Variants in TRIM71 observed in about 807,000 individuals in gnomAD.
TRIM71 encodes the protein tripartite motif containing 71.
Under a neutral mutation model 61.2 loss-of-function variants are expected in TRIM71, and 9 were observed. The observed-to-expected ratio is 0.15, with a 90% CI of 0.09 to 0.26. The LOEUF (loss-of-function observed/expected upper bound fraction) is 0.26. Ranked by LOEUF, TRIM71 falls within the 10% of genes least tolerant of loss-of-function variation. TRIM71 has a pLI of 1.00. For synonymous variants in TRIM71, 645 were observed against 553.2 expected (o/e 1.17, Z -2.33); for missense variants, 998 against 1,238.7 (o/e 0.81, Z 2.92).
At chr3:32,835,890 A>G (rs1021757039) in intron 1 of TRIM71, among the ~76,000 whole-genome samples, 1 of 152,210 alleles carries the variant, frequency 6.6e-6, no homozygotes, top group African/African-American at 2.4e-5. Context: ...TCAAGCAACC[A>G]TTTACATACA....
chr3:32,837,546 G>A (rs1438652667), intron 1 of TRIM71, among the ~76,000 whole-genome samples: 1 of 152,186 alleles, frequency 6.6e-6, no homozygotes, highest in South Asian at 2.1e-4. Flanking sequence ...GTCGCCGGGC[G>A]TGGTGGCTCA....
intron 1 of TRIM71, among the ~76,000 whole-genome samples, chr3:32,828,338 CTAT>C (rs926511152): frequency 4.6e-5 from 7 of 152,150 alleles, no homozygotes; most frequent in Middle Eastern, 3.4e-3. Context: ...AATCAAGTGT[CTAT>C]TATTTGGCTT....
At chr3:32,885,508 C>CGTAAGGGAT (rs1366309125) in intron 2 of TRIM71, among the ~76,000 whole-genome samples, 1 of 152,170 alleles carries the variant, frequency 6.6e-6, no homozygotes, top group Non-Finnish European at 1.5e-5. Flanking sequence ...CACACCCTCA[C>CGTAAGGGAT]GTAAGGGATG....
At chr3:32,866,400 A>G (rs371290588) in intron 1 of TRIM71, among the ~76,000 whole-genome samples, 101 of 151,710 alleles carry the variant, frequency 6.7e-4, no homozygotes, top group African/African-American at 2.4e-3. Flanking sequence ...GCCTGCCCCC[A>G]CACTAATTTT....
chr3:32,876,570 T>C (rs888945847), intron 2 of TRIM71, among the ~76,000 whole-genome samples: 1 of 152,096 alleles, frequency 6.6e-6, no homozygotes, highest in African/African-American at 2.4e-5. Flanking sequence ...GACGACCGAA[T>C]GAGACTCCAT....
At chr3:32,844,100 G>T (rs1607464) in intron 1 of TRIM71, among the ~76,000 whole-genome samples, 2,652 of 152,196 alleles carry the variant, frequency 0.017, 82 homozygotes, top group East Asian at 0.13. Context: ...TTCTCGCGTC[G>T]TCGTTATTTT....
At chr3:32,847,793 C>T (rs186607388) in intron 1 of TRIM71, among the ~76,000 whole-genome samples, 1 of 152,228 alleles carries the variant, frequency 6.6e-6, no homozygotes, top group African/African-American at 2.4e-5. Flanking sequence ...GCTTAGCTGG[C>T]TCTCAATATG....
chr3:32,861,383 T>C (rs1444192701), intron 1 of TRIM71, among the ~76,000 whole-genome samples: 1 of 148,280 alleles, frequency 6.7e-6, no homozygotes, highest in Non-Finnish European at 1.5e-5. Flanking sequence ...CCACCTACCT[T>C]GGCCTCCCAA....
At chr3:32,867,028 G>C (rs1171589259) in intron 1 of TRIM71, among the ~76,000 whole-genome samples, 2 of 152,174 alleles carry the variant, frequency 1.3e-5, no homozygotes, top group African/African-American at 4.8e-5. Context: ...GATGAGTTCA[G>C]ATGCAGAGAT....
rs1697030826 is a variant in TRIM71 at position 32,891,887 on chromosome 3, T to C, written c.*76T>C. 1 of 1,520,102 alleles carries C rather than the reference T, an allele frequency of 6.6e-7. No individual in the cohort carries two copies. Among genetic ancestry groups the C allele is most frequent in the Admixed American group, 2.3e-5 (1 of 43,062 alleles). 94.2% of individuals were successfully genotyped at this position (1,520,102 alleles called of 1,614,324 possible). A position where few individuals can be genotyped will look rare whatever the true frequency, so the allele number is the denominator to read the frequency against. ...CTCTCTCTCTCTTTCTCTTTCTCTC[T>C]CTTTTTGAATTTCAAAGAAGAAACA... On this transcript the variant is annotated 3_prime_UTR_variant, in exon 4 of 4. Coordinates refer to ENST00000383763, the MANE Select transcript of TRIM71 (RefSeq NM_001039111.3). The surrounding 1 kb of genome is among the most constrained non-coding windows in gnomAD (Gnocchi z 8.2).
chr3:32,863,773 C>T (rs1389088873), intron 1 of TRIM71, among the ~76,000 whole-genome samples: 3 of 151,820 alleles, frequency 2.0e-5, no homozygotes, highest in Admixed American at 1.3e-4. Flanking sequence ...CCTCTGCCTC[C>T]CGGGTTCAAG....
At chr3:32,836,991 A>ATC (rs1375061050) in intron 1 of TRIM71, among the ~76,000 whole-genome samples, 1 of 152,168 alleles carries the variant, frequency 6.6e-6, no homozygotes, top group Non-Finnish European at 1.5e-5. Context: ...CAGAATTGCT[A>ATC]TCTTATAGGT....
At chr3:32,823,522 C>A (rs985078330) in intron 1 of TRIM71, among the ~76,000 whole-genome samples, 1 of 152,168 alleles carries the variant, frequency 6.6e-6, no homozygotes, top group Non-Finnish European at 1.5e-5. Context: ...ATTTTTATTT[C>A]CAATTCTAGG....
rs377719100 is a variant in TRIM71 at position 32,891,175 on chromosome 3, C to A, written c.1971C>A (p.Ala657=). 1.2e-6 allele frequency: 2 copies of A among 1,613,542 alleles called. No individual in the cohort carries two copies. Among genetic ancestry groups the A allele is most frequent in the Non-Finnish European group, 1.7e-6 (2 of 1,179,974 alleles). The change falls in exon 4 of 4, where the codon GCC becomes GCA. Residue 657 remains alanine (A), a synonymous_variant. Transcript: ENST00000383763. The surrounding 1 kb of genome is among the most constrained non-coding windows in gnomAD (Gnocchi z 8.2). The part of the protein sequence containing the change: ...GSRPGQFDRP[A]GVACDASRRI... ...GGCCTGGGCAGTTCGACCGACCAGC[C>A]GGCGTGGCCTGTGACGCCTCACGCA...
chr3:32,843,454 T>C (rs989098516), intron 1 of TRIM71, among the ~76,000 whole-genome samples: 2 of 152,168 alleles, frequency 1.3e-5, no homozygotes, highest in Non-Finnish European at 2.9e-5. Context: ...TAAGGGATAC[T>C]GGGATCTGTG....
At chr3:32,842,967 TAATA>T (rs1053126898) in intron 1 of TRIM71, among the ~76,000 whole-genome samples, 7 of 151,782 alleles carry the variant, frequency 4.6e-5, no homozygotes, top group African/African-American at 1.7e-4. Context: ...CTTAGGTGCT[TAATA>T]AATGCTTTTT....
chr3:32,838,981 A>AG (rs1451625486), intron 1 of TRIM71, among the ~76,000 whole-genome samples: 18 of 151,614 alleles, frequency 1.2e-4, no homozygotes, highest in Admixed American at 1.2e-3. Flanking sequence ...TTGTATTTTT[A>AG]ATAGAGTCGG....
chr3:32,832,887 TGACTG>T (rs774816836), intron 1 of TRIM71, among the ~76,000 whole-genome samples: 21 of 152,030 alleles, frequency 1.4e-4, no homozygotes, highest in Non-Finnish European at 2.9e-4. Flanking sequence ...AAAGAATTAT[TGACTG>T]GGCTGGGCGC....
rs549118342 is a variant in TRIM71 at position 32,822,320 on chromosome 3, G to A, written c.852+3388G>A. 3.2e-4 allele frequency among the ~76,000 whole-genome samples: 48 copies of A among 152,222 alleles called. 2 individuals carry two copies. In the South Asian group the frequency reaches 1.0e-2, roughly 32 times the overall value. The stretch of plus-strand genomic sequence containing the variant: ...GTTTTCTGGAGTCTGGTTGGAAAAA[G>A]GGGTGCAGGTGTTGGTAGAATCCAT... On this transcript the variant is annotated intron_variant, in intron 1 of 3. Transcript: ENST00000383763.
Sources: allele counts gnomAD v4.1 joint callset (sites outside exome capture counted in the v4.1 genomes callset), GRCh38; gene constraint gnomAD v4.1.1; non-coding constraint Gnocchi (gnomAD v3.1); transcripts MANE v1.5; gene names NCBI Gene and HGNC (gene_info 2026-07-23, HGNC 2026-07-21).